The following PSD3 variants were observed in gnomAD, a reference collection of about 807,000 sequenced individuals.
The protein encoded by PSD3 is PH and SEC7 domain-containing protein 3.
PSD3 carries 49 observed loss-of-function variants against 105.5 expected under a neutral mutation model. That is an observed-to-expected ratio of 0.46 (90% CI 0.37 to 0.59). The LOEUF (loss-of-function observed/expected upper bound fraction) is 0.59. PSD3 is among the 20% of genes least tolerant of loss of function. The probability of loss-of-function intolerance (pLI) is 0.00; values close to 1 mark genes in which losing one functional copy is unlikely to be tolerated. For missense variants in PSD3, 1,561 were observed against 1,263.8 expected (o/e 1.24, Z -3.57); for synonymous variants, 557 against 457.8 (o/e 1.22, Z -2.77).
chr8:18,697,535 C>G (rs1239406890), intron 9 of PSD3, among the ~76,000 whole-genome samples: 1 of 152,160 alleles, frequency 6.6e-6, no homozygotes, highest in Non-Finnish European at 1.5e-5. Flanking sequence ...TCGTTGCTAT[C>G]AGAAGTCAAC....
chr8:18,970,148 A>C (rs913367654), intron 1 of PSD3, among the ~76,000 whole-genome samples: 1 of 151,384 alleles, frequency 6.6e-6, no homozygotes, highest in African/African-American at 2.4e-5. Context: ...ACACGGTGAA[A>C]CCCCATCTCT....
chr8:18,913,066 T>C (rs1426337124), intron 2 of PSD3, among the ~76,000 whole-genome samples: 1 of 135,298 alleles, frequency 7.4e-6, no homozygotes, highest in Non-Finnish European at 1.6e-5. Context: ...AACAACTTTA[T>C]AAACACACAC....
intron 11 of PSD3, among the ~76,000 whole-genome samples, chr8:18,625,477 AT>A (rs946417890): frequency 6.6e-6 from 1 of 152,142 alleles, no homozygotes; most frequent in African/African-American, 2.4e-5. Context: ...AAATGCCTAC[AT>A]CCAGGCAATT....
chr8:18,555,994 T>G (rs558646592), intron 15 of PSD3, among the ~76,000 whole-genome samples: 1 of 152,256 alleles, frequency 6.6e-6, no homozygotes, highest in South Asian at 2.1e-4. Context: ...TACTTTTAAG[T>G]GTATAAACTG....
At chr8:19,082,088 C>T (rs1175954955) in intron 1 of PSD3, among the ~76,000 whole-genome samples, 1 of 152,178 alleles carries the variant, frequency 6.6e-6, no homozygotes. Context: ...AATTCTCACA[C>T]ACTCATCTTT....
At chr8:18,838,953 T>G (rs1814384961) in intron 4 of PSD3, among the ~76,000 whole-genome samples, 2 of 151,912 alleles carry the variant, frequency 1.3e-5, no homozygotes, top group African/African-American at 4.8e-5. Flanking sequence ...TCTTAATTGG[T>G]CTCTGAATAT....
At chr8:18,592,166 G>T (rs1158513590) in intron 12 of PSD3, among the ~76,000 whole-genome samples, 1 of 152,050 alleles carries the variant, frequency 6.6e-6, no homozygotes, top group Non-Finnish European at 1.5e-5. Context: ...TAAACAAAAT[G>T]AGAATATCAA....
chr8:18,828,412 C>A (rs1813403464), intron 4 of PSD3, among the ~76,000 whole-genome samples: 2 of 152,166 alleles, frequency 1.3e-5, no homozygotes, highest in Middle Eastern at 3.4e-3. Flanking sequence ...ACAGCAACAA[C>A]CAAGTGACCA....
intron 12 of PSD3, among the ~76,000 whole-genome samples, chr8:18,584,261 T>A (rs1204830576): frequency 6.6e-6 from 1 of 152,182 alleles, no homozygotes; most frequent in East Asian, 1.9e-4. Context: ...TTTATTCAAG[T>A]CAGAGGCTGA....
chr8:18,646,753 T>C (rs1365390304), intron 10 of PSD3, among the ~76,000 whole-genome samples: 3 of 151,996 alleles, frequency 2.0e-5, no homozygotes, highest in African/African-American at 7.2e-5. Context: ...ACAACTGAGA[T>C]TACATTTTAA....
chr8:18,843,914 TA>T (rs1376309616), intron 4 of PSD3, among the ~76,000 whole-genome samples: 2 of 117,042 alleles, frequency 1.7e-5, no homozygotes, highest in Non-Finnish European at 1.8e-5. Context: ...TAAGATAGAC[TA>T]TTTTTTTTTT....
chr8:18,964,522 T>TC (rs1450635313), intron 1 of PSD3, among the ~76,000 whole-genome samples: 7 of 152,232 alleles, frequency 4.6e-5, no homozygotes, highest in Non-Finnish European at 1.0e-4. Context: ...TTTTTTTTTT[T>TC]ACTTCAAAGA....
At chr8:18,967,040 C>T (rs1824304513) in intron 1 of PSD3, among the ~76,000 whole-genome samples, 1 of 152,168 alleles carries the variant, frequency 6.6e-6, no homozygotes, top group East Asian at 1.9e-4. Context: ...CTGGTCCAAA[C>T]CATTCCAGGC....
intron 1 of PSD3, among the ~76,000 whole-genome samples, chr8:19,064,756 T>G (rs570477871): frequency 6.6e-6 from 1 of 152,320 alleles, no homozygotes; most frequent in African/African-American, 2.4e-5. Context: ...TTCCAGGAAT[T>G]AAAAACAAGA....
At chr8:18,544,880 A>T (rs7015949) in intron 15 of PSD3, among the ~76,000 whole-genome samples, 94,297 of 151,854 alleles carry the variant, frequency 0.62, 29,288 homozygotes, top group Admixed American at 0.68. Flanking sequence ...CAGGCCCTTC[A>T]GAGAGGAAGG....
Position 19,028,816 on chromosome 8 carries a change from C to T in PSD3, c.324+55390G>A, listed in dbSNP as rs565530970. On this transcript the variant is annotated intron_variant, in intron 1 of 1. Transcript: ENST00000521475. ...TTCTAGAATTGTTATAGTTTTAGCT[C>T]TTATCTTTACATTTATGAGCCATTA... is the stretch of plus-strand genomic sequence containing the variant. 9.2e-5 allele frequency among the ~76,000 whole-genome samples: 14 copies of T among 152,186 alleles called. No individual in the cohort carries two copies. In the East Asian group the frequency reaches 2.7e-3, roughly 29 times the overall value.
intron 11 of PSD3, among the ~76,000 whole-genome samples, chr8:18,610,559 C>T (rs1406391834): frequency 6.6e-6 from 1 of 152,214 alleles, no homozygotes; most frequent in East Asian, 1.9e-4. Context: ...CAGAATCATT[C>T]ATTGCTCAAT....
intron 9 of PSD3, among the ~76,000 whole-genome samples, chr8:18,750,193 T>C (rs1321411784): frequency 3.3e-5 from 5 of 152,176 alleles, no homozygotes; most frequent in Non-Finnish European, 7.3e-5. Flanking sequence ...CCGGAATTGG[T>C]GGGTTCTTGG....
intron 2 of PSD3, among the ~76,000 whole-genome samples, chr8:18,887,422 C>T (rs915332309): frequency 6.6e-6 from 1 of 152,110 alleles, no homozygotes; most frequent in Non-Finnish European, 1.5e-5. Context: ...CCAGTAACAT[C>T]CATTTTTAAA....
Sources: gnomAD v4.1 joint callset for allele counts (sites outside exome capture counted in the v4.1 genomes callset) on GRCh38, gnomAD v4.1.1 for gene constraint, MANE v1.5 for transcripts, NCBI Gene and HGNC (gene_info 2026-07-23, HGNC 2026-07-21) for gene names.